ZBBX: variants seen among roughly 807,000 people sequenced by gnomAD.
The protein encoded by ZBBX is zinc finger B-box domain containing.
In ZBBX, 101 loss-of-function variants were observed where a neutral mutation model predicts 108.5. That is an observed-to-expected ratio of 0.93 (90% CI 0.79 to 1.10). The LOEUF is 1.10. ZBBX is among the 50% of genes least tolerant of loss of function. The probability of loss-of-function intolerance (pLI) is 0.00; values close to 1 mark genes in which losing one functional copy is unlikely to be tolerated. For synonymous variants in ZBBX, 356 were observed against 323.4 expected (o/e 1.10, Z -1.08); for missense variants, 1,009 against 941.4 (o/e 1.07, Z -0.94).
intron 5 of ZBBX, 91 bp downstream of exon 5, chr3:167,368,370 A>C (rs538026391): frequency 3.2e-6 from 3 of 937,164 alleles, no homozygotes; most frequent in Admixed American, 4.8e-5. Context: ...TCCATCCATT[A>C]AATGTTTTTA....
intron 9 of ZBBX, among the ~76,000 whole-genome samples, chr3:167,349,379 T>TGA (rs1742253087): frequency 6.6e-6 from 1 of 152,096 alleles, no homozygotes; most frequent in African/African-American, 2.4e-5. Flanking sequence ...TGTAATACCA[T>TGA]GAGAGAGAGA....
the ZBBX span, among the ~76,000 whole-genome samples, chr3:167,223,716 T>G: frequency 6.6e-6 from 1 of 152,102 alleles, no homozygotes; most frequent in East Asian, 1.9e-4. Flanking sequence ...AATTTTTGCC[T>G]TAAAATCATT....
intron 5 of ZBBX, among the ~76,000 whole-genome samples, chr3:167,367,529 T>C (rs753554023): frequency 1.1e-4 from 17 of 151,422 alleles, no homozygotes; most frequent in Admixed American, 4.6e-4. Flanking sequence ...CATTAAGATA[T>C]ATTAAGTAAA....
the ZBBX span, among the ~76,000 whole-genome samples, chr3:167,191,934 T>TATATATATATATATATATATAG: frequency 7.7e-6 from 1 of 130,224 alleles, no homozygotes; most frequent in African/African-American, 3.0e-5. Context: ...TATATATATA[T>TATATATATATATATATATATAG]AGAGCAAGTT....
At chr3:167,196,524 T>G in the ZBBX span, among the ~76,000 whole-genome samples, 1 of 152,226 alleles carries the variant, frequency 6.6e-6, no homozygotes, top group African/African-American at 2.4e-5. Context: ...TCCCATATGA[T>G]TCTTATTTAA....
At chr3:167,335,650 T>C (rs2108414482) in intron 9 of ZBBX, among the ~76,000 whole-genome samples, 1 of 151,346 alleles carries the variant, frequency 6.6e-6, no homozygotes, top group East Asian at 1.9e-4. Flanking sequence ...CCAATTTAGA[T>C]AGCTAACATT....
At chr3:167,202,068 G>C in the ZBBX span, among the ~76,000 whole-genome samples, 1 of 152,112 alleles carries the variant, frequency 6.6e-6, no homozygotes, top group Admixed American at 6.6e-5. Flanking sequence ...TGGATGGGTA[G>C]AGTAGGGGCT....
chr3:167,347,742 A>G lies in ZBBX; in HGVS notation c.528+2678T>C, dbSNP rs913127426. ...TGTGTATGCTCTTTGCTAAGTGCCA[A>G]CCTCACAATTCCACTTCCCTAGTAG... On this transcript the variant is annotated intron_variant, in intron 9 of 21. Transcript: ENST00000675490. 5.3e-5 allele frequency among the ~76,000 whole-genome samples: 8 copies of G among 152,062 alleles called. No individual in the cohort carries two copies. In the East Asian group the frequency reaches 7.7e-4, roughly 15 times the overall value.
chr3:167,179,345 C>T, the ZBBX span, among the ~76,000 whole-genome samples: 2 of 152,168 alleles, frequency 1.3e-5, no homozygotes, highest in African/African-American at 2.4e-5. Context: ...GCTGTATTTG[C>T]GTTTGAGACC....
the ZBBX span, among the ~76,000 whole-genome samples, chr3:167,191,896 C>CATATATAT: frequency 0.065 from 4,381 of 66,996 alleles, 384 homozygotes; most frequent in Middle Eastern, 0.095. Flanking sequence ...TTACAAAAAT[C>CATATATAT]ATATATATAT....
chr3:167,193,849 T>C, the ZBBX span, among the ~76,000 whole-genome samples: 1 of 152,132 alleles, frequency 6.6e-6, no homozygotes, highest in African/African-American at 2.4e-5. Context: ...CTGCTGGTTA[T>C]TATGTTAAAT....
the ZBBX span, among the ~76,000 whole-genome samples, chr3:167,181,856 A>AAATAAAAAT: frequency 6.6e-6 from 1 of 152,188 alleles, no homozygotes; most frequent in Admixed American, 6.5e-5. Context: ...GCAAGGGTCT[A>AAATAAAAAT]TAGACTCCTG....
chr3:167,264,784 G>A lies in ZBBX; in HGVS notation c.2254+17454C>T, dbSNP rs150783890. Among the ~76,000 whole-genome samples, 89 of 152,294 alleles carry A rather than the reference G, an allele frequency of 5.8e-4. 1 individual carries two copies. Among genetic ancestry groups the A allele is most frequent in the African/African-American group, 2.1e-3 (87 of 41,562 alleles). ...TCTACTGCAGCTAAGTTGGCACTCA[G>A]ACCACAAGACAAAGTCCTTCCCACT... On this transcript the variant is annotated intron_variant, in intron 20 of 21. Coordinates refer to ENST00000675490, the MANE Select transcript of ZBBX (RefSeq NM_001199201.2).
chr3:167,331,839 A>G (rs1438386327), intron 10 of ZBBX, among the ~76,000 whole-genome samples: 2 of 152,312 alleles, frequency 1.3e-5, no homozygotes, highest in East Asian at 3.9e-4. Context: ...TAACTTGCCC[A>G]ATATTACAAT....
chr3:167,276,932 C>A (rs1006823780), intron 20 of ZBBX, among the ~76,000 whole-genome samples: 2 of 151,794 alleles, frequency 1.3e-5, no homozygotes, highest in African/African-American at 2.4e-5. Flanking sequence ...AGAGTGGGGG[C>A]CAATATTCAA....
chr3:167,404,243 T>C (rs983641910), intron 1 of ZBBX, among the ~76,000 whole-genome samples: 1 of 152,162 alleles, frequency 6.6e-6, no homozygotes, highest in East Asian at 1.9e-4. Flanking sequence ...TATTTCTAAG[T>C]GTGCATGCTA....
At chr3:167,373,097 T>C in intron 3 of ZBBX, 147 bp from the exon 4 acceptor site, 1 of 476,830 alleles carries the variant, frequency 2.1e-6, no homozygotes, top group Non-Finnish European at 3.7e-6. Context: ...AATTATACAC[T>C]GTTAGCCCTT....
chr3:167,289,790 C>T (rs1730353688), intron 18 of ZBBX, among the ~76,000 whole-genome samples: 1 of 152,184 alleles, frequency 6.6e-6, no homozygotes, highest in East Asian at 1.9e-4. Context: ...TGGTCTGGCT[C>T]ATCGGTTCCC....
At chr3:167,241,331 G>A (rs192146472) in intron 21 of ZBBX, among the ~76,000 whole-genome samples, 5 of 152,292 alleles carry the variant, frequency 3.3e-5, no homozygotes, top group Non-Finnish European at 5.9e-5. Flanking sequence ...TTAGGACTAT[G>A]TAGATAGCCA....
Sources: gnomAD v4.1 joint callset for allele counts (sites outside exome capture counted in the v4.1 genomes callset) on GRCh38, gnomAD v4.1.1 for gene constraint, MANE v1.5 for transcripts, NCBI Gene and HGNC (gene_info 2026-07-23, HGNC 2026-07-21) for gene names.